Variants in KCNIP4 observed in about 807,000 individuals in gnomAD.
KCNIP4 encodes potassium voltage-gated channel interacting protein 4, also known as Kv channel-interacting protein 4.
Under a neutral mutation model 34.0 loss-of-function variants are expected in KCNIP4, and 12 were observed. That is an observed-to-expected ratio of 0.35 (90% CI 0.23 to 0.57). The LOEUF (loss-of-function observed/expected upper bound fraction) is 0.57, where lower values mean the gene tolerates loss of function less well. KCNIP4 is among the 20% of genes least tolerant of loss of function. The pLI is 0.83. For missense variants in KCNIP4, 238 were observed against 311.7 expected (o/e 0.76, Z 1.78); for synonymous variants, 124 against 102.2 (o/e 1.21, Z -1.29).
intron 5 of KCNIP4, among the ~76,000 whole-genome samples, chr4:20,738,960 T>G (rs7685481): frequency 0.33 from 50,238 of 151,886 alleles, 8,818 homozygotes; most frequent in African/African-American, 0.44. Context: ...TGGCTCAGAG[T>G]GGCCCACACC....
intron 1 of KCNIP4, among the ~76,000 whole-genome samples, chr4:20,974,015 G>C (rs1210569861): frequency 6.6e-6 from 1 of 152,058 alleles, no homozygotes; most frequent in Non-Finnish European, 1.5e-5. Flanking sequence ...TCCAAAATGT[G>C]ATACAAAGAC....
intron 1 of KCNIP4, among the ~76,000 whole-genome samples, chr4:20,999,414 G>GTTTTTTTTTTTTTTTTT (rs5856594): frequency 1.0e-5 from 1 of 95,344 alleles, no homozygotes; most frequent in African/African-American, 4.7e-5. Context: ...TTGTGGTGGT[G>GTTTTTTTTTTTTTTTTT]TTTTTTTTTT....
chr4:20,883,008 GTTTTTT>G (rs5856586), intron 1 of KCNIP4, among the ~76,000 whole-genome samples: 5 of 112,422 alleles, frequency 4.4e-5, no homozygotes, highest in African/African-American at 9.8e-5. Flanking sequence ...AAATCTGGTG[GTTTTTT>G]TTTTTTTTTT....
intron 1 of KCNIP4, among the ~76,000 whole-genome samples, chr4:21,198,963 T>G (rs1756265859): frequency 2.0e-5 from 3 of 152,192 alleles, no homozygotes; most frequent in Admixed American, 2.0e-4. Context: ...GTGTGAGGAG[T>G]AAAGTACTGA....
At chr4:21,167,290 G>C (rs572734893) in intron 1 of KCNIP4, among the ~76,000 whole-genome samples, 1 of 152,118 alleles carries the variant, frequency 6.6e-6, no homozygotes, top group African/African-American at 2.4e-5. Flanking sequence ...ATTATTTTAC[G>C]AGTCTATACA....
rs1474986107 is a variant in KCNIP4 at position 21,528,802 on chromosome 4, AG to A, written c.61+419768del. Among the ~76,000 whole-genome samples the A allele has an allele frequency of 1.0e-4, 5 of 50,164 alleles. 2 individuals are homozygous for A. The highest frequency in any genetic ancestry group is 3.7e-4 in the African/African-American group (5 of 13,448). The allele number at this position is 50,164 out of a possible 152,430, so 32.9% of individuals were successfully genotyped here. ...AAGGAAGAAAGGAAGAAAGGAAGAAAGGAAGGAAGGAAGGAAGGAAGGAAGG... is the reference window on the plus strand; with the variant it reads ...AAGGAAGAAAGGAAGAAAGGAAGAAAGAAGGAAGGAAGGAAGGAAGGAAGG... On this transcript the variant is annotated intron_variant, in intron 1 of 8. Transcript: ENST00000382152.
intron 1 of KCNIP4, among the ~76,000 whole-genome samples, chr4:21,250,524 G>A (rs1560215797): frequency 6.6e-6 from 1 of 152,084 alleles, no homozygotes; most frequent in Non-Finnish European, 1.5e-5. Flanking sequence ...GGAGGAATAC[G>A]CAGGATACAA....
intron 1 of KCNIP4, among the ~76,000 whole-genome samples, chr4:21,294,186 T>A (rs575418731): frequency 2.6e-5 from 4 of 152,294 alleles, no homozygotes; most frequent in East Asian, 1.9e-4. Flanking sequence ...TCTAATGCCA[T>A]CTTCTTGCTT....
At position 21,893,523 on chromosome 4, in the gene KCNIP4, C is replaced by T. The variant is rs529454119; in HGVS notation, c.61+55048G>A. ...ATGGTTTGGAGTTTTTCTTTGAATCCCTATGATATTCAAATTGCATCATTC... is the reference window on the plus strand; with the variant it reads ...ATGGTTTGGAGTTTTTCTTTGAATCTCTATGATATTCAAATTGCATCATTC... On this transcript the variant is annotated intron_variant, in intron 1 of 8. Coordinates refer to ENST00000382152, the MANE Select transcript of KCNIP4 (RefSeq NM_025221.6). 7.2e-5 allele frequency among the ~76,000 whole-genome samples: 11 copies of T among 152,094 alleles called. No homozygotes were observed. In the East Asian group the frequency reaches 2.1e-3, roughly 29 times the overall value.
chr4:21,286,690 G>A (rs1763141745), intron 1 of KCNIP4, among the ~76,000 whole-genome samples: 1 of 152,054 alleles, frequency 6.6e-6, no homozygotes, highest in South Asian at 2.1e-4. Flanking sequence ...CTTTTCATCT[G>A]TTATTTAATT....
At chr4:21,501,237 C>CTG (rs1733300962) in intron 1 of KCNIP4, among the ~76,000 whole-genome samples, 1 of 131,078 alleles carries the variant, frequency 7.6e-6, no homozygotes, top group African/African-American at 3.0e-5. Flanking sequence ...CTCTCTCTCT[C>CTG]TCTCTCTCTC....
intron 1 of KCNIP4, among the ~76,000 whole-genome samples, chr4:21,772,250 G>T (rs766585114): frequency 3.9e-5 from 6 of 152,148 alleles, no homozygotes; most frequent in African/African-American, 4.8e-5. Context: ...TGTTGAACCA[G>T]CCTTGCATCC....
intron 4 of KCNIP4, among the ~76,000 whole-genome samples, chr4:20,753,216 G>A (rs1753946719): frequency 6.6e-6 from 1 of 152,066 alleles, no homozygotes; most frequent in Admixed American, 6.6e-5. Context: ...GACATACTGA[G>A]GTCACCTAGT....
At chr4:21,726,798 A>G (rs1455214396) in intron 1 of KCNIP4, among the ~76,000 whole-genome samples, 1 of 152,218 alleles carries the variant, frequency 6.6e-6, no homozygotes, top group Non-Finnish European at 1.5e-5. Context: ...CACAAAGTAG[A>G]TAAGCAATAT....
intron 1 of KCNIP4, among the ~76,000 whole-genome samples, chr4:20,957,692 C>T (rs180714103): frequency 1.1e-3 from 171 of 151,994 alleles, no homozygotes; most frequent in African/African-American, 3.7e-3. Flanking sequence ...GCCATGAATG[C>T]GGTCAAATAA....
At position 21,224,430 on chromosome 4, in the gene KCNIP4, C is replaced by A. The variant is rs1040232873; in HGVS notation, c.62-341721G>T. On this transcript the variant is annotated intron_variant, in intron 1 of 8. Transcript: ENST00000382152. Reference sequence around the variant, plus strand: ...TAATTAAATTACCTAAGCCAACTTACCTCCCCAAAGCCTCATCTCCCAATG... The same window carrying A: ...TAATTAAATTACCTAAGCCAACTTAACTCCCCAAAGCCTCATCTCCCAATG... Among the ~76,000 whole-genome samples the A allele has an allele frequency of 3.3e-5, 5 of 152,032 alleles. No homozygotes were observed. In the East Asian group the frequency reaches 5.8e-4, roughly 18 times the overall value.
chr4:21,846,734 C>G (rs1178088563), intron 1 of KCNIP4: 1 of 152,128 alleles, frequency 6.6e-6, no homozygotes, highest in Non-Finnish European at 1.5e-5. Flanking sequence ...TCTGGAGGCT[C>G]AATCAGTGGG....
intron 1 of KCNIP4, among the ~76,000 whole-genome samples, chr4:21,091,944 A>C (rs1577676042): frequency 6.6e-6 from 1 of 152,056 alleles, no homozygotes. Context: ...AAAAATAACA[A>C]TTTTTATTTC....
intron 1 of KCNIP4, among the ~76,000 whole-genome samples, chr4:21,567,504 A>G (rs1740000111): frequency 6.6e-6 from 1 of 152,136 alleles, no homozygotes; most frequent in South Asian, 2.1e-4. Flanking sequence ...ATAAAACAAA[A>G]CAAAACAAAA....
Sources: gnomAD v4.1 joint callset for allele counts (sites outside exome capture counted in the v4.1 genomes callset) on GRCh38, gnomAD v4.1.1 for gene constraint, MANE v1.5 for transcripts, NCBI Gene and HGNC (gene_info 2026-07-23, HGNC 2026-07-21) for gene names.